SLC35F3: variants seen among roughly 807,000 people sequenced by gnomAD.
SLC35F3 encodes solute carrier family 35 member F3, also known as putative thiamine transporter SLC35F3.
Under a neutral mutation model 49.9 loss-of-function variants are expected in SLC35F3, and 25 were observed. The ratio of observed to expected loss-of-function variants is 0.50; its 90% CI spans 0.37 to 0.70. SLC35F3 has a LOEUF of 0.70. Among genes scored for constraint, SLC35F3 ranks in the 30% least tolerant of loss-of-function variants. The pLI is 0.00. For missense variants in SLC35F3, 525 were observed against 639.8 expected (o/e 0.82, Z 1.94); for synonymous variants, 275 against 265.4 (o/e 1.04, Z -0.35).
At chr1:233,996,397 C>T (rs1480388225) in intron 2 of SLC35F3, among the ~76,000 whole-genome samples, 1 of 152,110 alleles carries the variant, frequency 6.6e-6, no homozygotes, top group Non-Finnish European at 1.5e-5. Context: ...ATCTTGGAAC[C>T]AATCCCTCAT....
At chr1:234,143,026 C>T (rs1665940732) in intron 2 of SLC35F3, among the ~76,000 whole-genome samples, 1 of 152,144 alleles carries the variant, frequency 6.6e-6, no homozygotes, top group African/African-American at 2.4e-5. Context: ...TCCGTCACCT[C>T]ACTCAGTTAC....
At chr1:234,064,360 A>T (rs939965917) in intron 2 of SLC35F3, among the ~76,000 whole-genome samples, 3 of 152,184 alleles carry the variant, frequency 2.0e-5, no homozygotes, top group Non-Finnish European at 4.4e-5. Flanking sequence ...TATTTAAGAG[A>T]CCAAAATATA....
At chr1:234,028,471 C>A (rs1664010403) in intron 2 of SLC35F3, among the ~76,000 whole-genome samples, 1 of 152,166 alleles carries the variant, frequency 6.6e-6, no homozygotes, top group Admixed American at 6.5e-5. Flanking sequence ...TACTCACCAG[C>A]ATCCCTGTCG....
intron 3 of SLC35F3, among the ~76,000 whole-genome samples, chr1:234,236,951 A>ATG: frequency 7.5e-6 from 1 of 133,630 alleles, no homozygotes; most frequent in South Asian, 2.4e-4. Flanking sequence ...ATATATATAT[A>ATG]TATATATATA....
chr1:233,909,415 A>G (rs1355348277), intron 2 of SLC35F3, among the ~76,000 whole-genome samples: 8 of 152,206 alleles, frequency 5.3e-5, no homozygotes, highest in African/African-American at 9.6e-5. Flanking sequence ...GAGGGACTCA[A>G]TAAATATTTG....
chr1:234,177,614 T>C (rs1311570599), intron 2 of SLC35F3, among the ~76,000 whole-genome samples: 3 of 152,204 alleles, frequency 2.0e-5, no homozygotes, highest in Admixed American at 2.0e-4. Context: ...TGTCAGAGTC[T>C]GTGTCTCTAA....
chr1:234,226,769 G>T (rs1001445678), intron 2 of SLC35F3, among the ~76,000 whole-genome samples: 12 of 152,026 alleles, frequency 7.9e-5, no homozygotes, highest in Admixed American at 3.3e-4. Flanking sequence ...TCTCTCTTTG[G>T]TCAAGAGTCT....
At chr1:233,966,188 C>T (rs1662902817) in intron 2 of SLC35F3, among the ~76,000 whole-genome samples, 1 of 151,966 alleles carries the variant, frequency 6.6e-6, no homozygotes, top group Non-Finnish European at 1.5e-5. Flanking sequence ...GAAAAAGTAC[C>T]AAGATAGCAA....
intron 2 of SLC35F3, among the ~76,000 whole-genome samples, chr1:234,180,495 C>T (rs1427787741): frequency 1.3e-5 from 2 of 152,240 alleles, no homozygotes; most frequent in South Asian, 2.1e-4. Flanking sequence ...GGAAGATGCT[C>T]ATGTCCCACT....
chr1:234,146,217 T>A (rs966317700), intron 2 of SLC35F3, among the ~76,000 whole-genome samples: 2 of 152,058 alleles, frequency 1.3e-5, no homozygotes, highest in Non-Finnish European at 2.9e-5. Flanking sequence ...TAAATTTTCT[T>A]CATGTTCTTC....
chr1:234,091,004 A>T (rs1665036503), intron 2 of SLC35F3, among the ~76,000 whole-genome samples: 1 of 152,238 alleles, frequency 6.6e-6, no homozygotes, highest in Non-Finnish European at 1.5e-5. Context: ...TTGTTCAAGC[A>T]CCAAAACTTC....
chr1:234,192,440 G>T (rs539655871), intron 2 of SLC35F3, among the ~76,000 whole-genome samples: 3 of 152,282 alleles, frequency 2.0e-5, no homozygotes, highest in East Asian at 3.9e-4. Flanking sequence ...AGCATACAAA[G>T]GATACACCTC....
Position 234,046,339 on chromosome 1 carries a change from C to A in SLC35F3, c.283+140581C>A, listed in dbSNP as rs1449676811. 6.6e-6 allele frequency among the ~76,000 whole-genome samples: 1 copy of A among 152,108 alleles called. No homozygotes were observed. The highest frequency in any genetic ancestry group is 1.5e-5 in the Non-Finnish European group (1 of 68,000). ...CTAATGCTTATGAAGTGGATGGTAT[C>A]TTTTTATGGTTTTATTGAGTAATTT... On this transcript the variant is annotated intron_variant, in intron 2 of 7. Transcript: ENST00000366618. The surrounding 1 kb of genome is among the most constrained non-coding windows in gnomAD (Gnocchi z 4.4).
At chr1:234,221,281 G>A (rs1272540941) in intron 2 of SLC35F3, among the ~76,000 whole-genome samples, 2 of 152,136 alleles carry the variant, frequency 1.3e-5, no homozygotes, top group Non-Finnish European at 2.9e-5. Flanking sequence ...GGGGGAGGGA[G>A]ATAACTTTTG....
chr1:234,199,458 G>A (rs1365015807), intron 2 of SLC35F3, among the ~76,000 whole-genome samples: 1 of 152,114 alleles, frequency 6.6e-6, no homozygotes, highest in Non-Finnish European at 1.5e-5. Flanking sequence ...AATGAAATTG[G>A]ACCTTATCTC....
chr1:233,980,891 A>G (rs1030397528), intron 2 of SLC35F3, among the ~76,000 whole-genome samples: 10 of 152,226 alleles, frequency 6.6e-5, no homozygotes, highest in African/African-American at 1.9e-4. Flanking sequence ...GCATTAACAA[A>G]TCTAATCCTC....
intron 2 of SLC35F3, among the ~76,000 whole-genome samples, chr1:234,030,331 A>T (rs1182213141): frequency 6.6e-6 from 1 of 152,008 alleles, no homozygotes; most frequent in African/African-American, 2.4e-5. Context: ...TTTGCTGGGG[A>T]TTTATGGCAT....
chr1:233,972,020 G>T (rs1444628996), intron 2 of SLC35F3, among the ~76,000 whole-genome samples: 2 of 152,242 alleles, frequency 1.3e-5, no homozygotes, highest in Non-Finnish European at 2.9e-5. Context: ...AGGTGAGGGA[G>T]CCCCAGCAGC....
At chr1:234,208,424 C>T (rs1028867781) in intron 2 of SLC35F3, among the ~76,000 whole-genome samples, 1 of 152,166 alleles carries the variant, frequency 6.6e-6, no homozygotes, top group Non-Finnish European at 1.5e-5. Context: ...AGAAGAGTAA[C>T]AAACCTCCAG....
Sources: allele counts gnomAD v4.1 joint callset (sites outside exome capture counted in the v4.1 genomes callset), GRCh38; gene constraint gnomAD v4.1.1; non-coding constraint Gnocchi (gnomAD v3.1); transcripts MANE v1.5; gene names NCBI Gene and HGNC (gene_info 2026-07-23, HGNC 2026-07-21).